The following HAT1 variants were observed in gnomAD, a reference collection of about 807,000 sequenced individuals.
The protein encoded by HAT1 is histone acetyltransferase 1.
A neutral mutation model predicts 56.6 loss-of-function variants in HAT1; 20 were observed. That is an observed-to-expected ratio of 0.35 (90% CI 0.25 to 0.51). The LOEUF is 0.51. HAT1 is among the 20% of genes least tolerant of loss of function. HAT1 has a pLI of 0.95. For missense variants in HAT1, 408 were observed against 504.3 expected, an observed-to-expected ratio of 0.81 and a Z score of 1.83; for synonymous variants, 146 against 165.5, an observed-to-expected ratio of 0.88 and a Z score of 0.91.
intron 2 of HAT1, among the ~76,000 whole-genome samples, chr2:171,935,289 T>A (rs931747353): frequency 7.3e-6 from 1 of 136,280 alleles, no homozygotes. Flanking sequence ...CAGAGGCGGG[T>A]GGATCACCCG....
In HAT1 at chr2:171,966,871, G is replaced by A; in HGVS notation, c.745G>A (p.Gly249Ser). 1 of 1,585,568 alleles carries A rather than the reference G, an allele frequency of 6.3e-7. No homozygotes were observed. Among genetic ancestry groups the A allele is most frequent in the Non-Finnish European group, 8.7e-7 (1 of 1,155,450 alleles). ...GATGCTGATTTTGACTCCATTTCAA[G>A]GTCAAGGCCATGGTGCTCAACTTCT... The part of the protein sequence containing the change: ...SQMLILTPFQ[G>S]QGHGAQLLET... The change falls in exon 8 of 11, where the codon GGT (glycine) becomes AGT (serine). Residue 249 changes from glycine (G) to serine (S), a missense_variant. By Grantham distance (56) the Gly-to-Ser change is moderately conservative. Transcript: ENST00000264108.
rs373318933 is a variant in HAT1 at position 171,960,903 on chromosome 2, A to G, written c.310-4435A>G. On this transcript the variant is annotated intron_variant, in intron 4 of 10. Coordinates refer to ENST00000264108, the MANE Select transcript of HAT1 (RefSeq NM_003642.4). ...AAACCTGTAATCCCAGCGCTTTGGGAGGCCGAGGTGGACAGGTCACTTGAG... is the reference window on the plus strand; with the variant it reads ...AAACCTGTAATCCCAGCGCTTTGGGGGGCCGAGGTGGACAGGTCACTTGAG... 9.9e-5 allele frequency among the ~76,000 whole-genome samples: 15 copies of G among 151,976 alleles called. No individual in the cohort carries two copies. The East Asian group carries it at 1.2e-3, about 12-fold the overall frequency.
At chr2:171,966,320 A>C (rs1687681983) in intron 6 of HAT1, 89 bp from the exon 7 acceptor site, 1 of 776,010 alleles carries the variant, frequency 1.3e-6, no homozygotes, top group South Asian at 1.4e-5. Context: ...GCTGACACTG[A>C]AAATTCAGTC....
intron 2 of HAT1, among the ~76,000 whole-genome samples, chr2:171,943,714 T>C (rs1471154861): frequency 1.7e-5 from 2 of 116,240 alleles, no homozygotes; most frequent in Non-Finnish European, 3.5e-5. Flanking sequence ...TATCTCCTAA[T>C]ATATGGACAT....
At position 171,966,472 on chromosome 2, in the gene HAT1, T is replaced by TA; in HGVS notation, c.677dup (p.Asn226LysfsTer33). 6.3e-7 allele frequency: 1 copy of TA among 1,597,814 alleles called. No homozygotes were observed. Among genetic ancestry groups the TA allele is most frequent in the Non-Finnish European group, 8.6e-7 (1 of 1,165,098 alleles). ...CGACCGTAGGCTACATGACAGTCTA[T>TA]AATTACTATGTGTACCCAGACAAAA... On this transcript the variant is annotated frameshift_variant, in exon 7 of 11. Transcript: ENST00000264108. LOFTEE classifies it high-confidence loss of function.
intron 2 of HAT1, among the ~76,000 whole-genome samples, chr2:171,936,106 T>C (rs141673582): frequency 1.3e-5 from 2 of 152,284 alleles, no homozygotes; most frequent in East Asian, 3.9e-4. Context: ...GATTGGAAGA[T>C]TCATTTTCAT....
At chr2:171,940,486 T>G (rs1031072114) in intron 2 of HAT1, among the ~76,000 whole-genome samples, 3 of 152,212 alleles carry the variant, frequency 2.0e-5, no homozygotes, top group Admixed American at 1.3e-4. Context: ...ACGACAAATG[T>G]CCTTAGCAGC....
chr2:171,943,202 A>G (rs1574043614), intron 2 of HAT1, among the ~76,000 whole-genome samples: 1 of 151,274 alleles, frequency 6.6e-6, no homozygotes, highest in African/African-American at 2.4e-5. Flanking sequence ...AGGAGTTTGA[A>G]ACCAGCCTGG....
chr2:171,974,199 AAG>A (rs1558163986), intron 8 of HAT1, among the ~76,000 whole-genome samples: 2,474 of 83,796 alleles, frequency 0.03, 135 homozygotes, highest in African/African-American at 0.083. Context: ...AAAAGAAAAA[AAG>A]AAAAAGAAAA....
intron 4 of HAT1, among the ~76,000 whole-genome samples, chr2:171,959,212 A>G (rs1687518480): frequency 6.6e-6 from 1 of 152,232 alleles, no homozygotes; most frequent in African/African-American, 2.4e-5. Flanking sequence ...CATTTATTAA[A>G]ATAGAGTTTT....
intron 4 of HAT1, among the ~76,000 whole-genome samples, chr2:171,963,564 G>A (rs1006915556): frequency 1.3e-5 from 2 of 152,204 alleles, no homozygotes; most frequent in Non-Finnish European, 2.9e-5. Flanking sequence ...TGCTATGAAA[G>A]TCTTAAAGTG....
intron 1 of HAT1, 149 bp downstream of exon 1, chr2:171,922,656 C>T: frequency 1.8e-6 from 1 of 556,178 alleles, no homozygotes; most frequent in Non-Finnish European, 2.8e-6. Flanking sequence ...GCGGAACTCT[C>T]AGCCCAGCAG....
intron 8 of HAT1, among the ~76,000 whole-genome samples, chr2:171,969,682 GCAAA>G (rs889461007): frequency 6.6e-6 from 1 of 152,132 alleles, no homozygotes; most frequent in Non-Finnish European, 1.5e-5. Flanking sequence ...ATATTAAGCT[GCAAA>G]CAAAGTATTA....
rs373136761 is a variant in HAT1, at chr2:171,983,362, T to C, written c.*10T>C. On this transcript the variant is annotated 3_prime_UTR_variant, in exon 11 of 11. Coordinates refer to ENST00000264108, the MANE Select transcript of HAT1 (RefSeq NM_003642.4). ...ACTTGCTCAAGAGTAAAGATTATAC[T>C]GCTCTGTACAGGAAGCTTGCAAATT... is the stretch of plus-strand genomic sequence containing the variant. The C allele has an allele frequency of 1.3e-6, 2 of 1,551,680 alleles. No individual in the cohort carries two copies. Among genetic ancestry groups the C allele is most frequent in the Non-Finnish European group, 1.8e-6 (2 of 1,138,014 alleles).
intron 3 of HAT1, among the ~76,000 whole-genome samples, 156 bp downstream of exon 3, chr2:171,946,939 C>A (rs1344899516): frequency 6.6e-6 from 1 of 151,958 alleles, no homozygotes; most frequent in Non-Finnish European, 1.5e-5. Context: ...TACATTGAGA[C>A]ACCAGTTATT....
chr2:171,973,708 G>T (rs1026295612), intron 8 of HAT1, among the ~76,000 whole-genome samples: 1 of 152,264 alleles, frequency 6.6e-6, no homozygotes, highest in African/African-American at 2.4e-5. Flanking sequence ...GATGTAGGTC[G>T]AATCTAACTA....
chr2:171,974,363 A>C (rs999893331), intron 8 of HAT1, among the ~76,000 whole-genome samples: 1 of 151,938 alleles, frequency 6.6e-6, no homozygotes, highest in South Asian at 2.1e-4. Flanking sequence ...TTAATTTCTT[A>C]ATTTTGTTTT....
In HAT1 at chr2:171,931,694, T is replaced by C. The variant is rs1338540980; in HGVS notation, c.112+6053T>C. ...GTCTCGGGGGGGAAAAACAGCCATA[T>C]AGTACAGTCAGCTCTTTGTATCTGC... On this transcript the variant is annotated intron_variant, in intron 2 of 10. Coordinates refer to ENST00000264108, the MANE Select transcript of HAT1 (RefSeq NM_003642.4). Among the ~76,000 whole-genome samples, 13 of 152,234 alleles carry C rather than the reference T, an allele frequency of 8.5e-5. No homozygotes were observed. In the East Asian group the frequency reaches 2.5e-3, roughly 29 times the overall value.
At chr2:171,975,852 G>T (rs1484142143) in intron 8 of HAT1, among the ~76,000 whole-genome samples, 1 of 150,058 alleles carries the variant, frequency 6.7e-6, no homozygotes, top group Non-Finnish European at 1.5e-5. Context: ...CTTTTTCATT[G>T]ATTTCTACTC....
Sources: allele counts gnomAD v4.1 joint callset (sites outside exome capture counted in the v4.1 genomes callset), GRCh38; gene constraint gnomAD v4.1.1; transcripts MANE v1.5; gene names NCBI Gene and HGNC (gene_info 2026-07-23, HGNC 2026-07-21).